STARD13: variants seen among roughly 807,000 people sequenced by gnomAD.
The protein encoded by STARD13 is StAR related lipid transfer domain containing 13, also known as stAR-related lipid transfer protein 13.
A neutral mutation model predicts 106.4 loss-of-function variants in STARD13; 62 were observed. That is an observed-to-expected ratio of 0.58 (90% confidence interval 0.48 to 0.72). The LOEUF (loss-of-function observed/expected upper bound fraction) is 0.72. Among genes scored for constraint, STARD13 ranks in the 30% least tolerant of loss-of-function variants. The pLI is 0.00. For synonymous variants in STARD13, 565 were observed against 553.0 expected, an observed-to-expected ratio of 1.02 and a Z score of -0.31; for missense variants, 1,387 against 1,424.0, an observed-to-expected ratio of 0.97 and a Z score of 0.42.
the STARD13 span, among the ~76,000 whole-genome samples, chr13:33,384,705 G>A: frequency 6.6e-6 from 1 of 152,152 alleles, no homozygotes; most frequent in Non-Finnish European, 1.5e-5. Flanking sequence ...CTACAGAAAT[G>A]TAGTCCTCAA....
chr13:33,148,929 G>T (rs1315071889), intron 3 of STARD13, among the ~76,000 whole-genome samples: 1 of 152,162 alleles, frequency 6.6e-6, no homozygotes, highest in Non-Finnish European at 1.5e-5. Context: ...AAACTTAAGT[G>T]CATGTTACTA....
At chr13:33,637,853 T>A in the STARD13 span, among the ~76,000 whole-genome samples, 1 of 152,220 alleles carries the variant, frequency 6.6e-6, no homozygotes, top group Non-Finnish European at 1.5e-5. Context: ...TAAATTGACT[T>A]GAATTATATT....
the STARD13 span, among the ~76,000 whole-genome samples, chr13:33,617,688 A>G: frequency 6.6e-6 from 1 of 152,314 alleles, no homozygotes; most frequent in South Asian, 2.1e-4. Context: ...GGTAGAGATC[A>G]TGGGGCCATC....
the STARD13 span, among the ~76,000 whole-genome samples, chr13:33,500,040 G>T: frequency 1.3e-5 from 2 of 151,846 alleles, no homozygotes; most frequent in African/African-American, 4.8e-5. Flanking sequence ...AGGCCACTGT[G>T]CCTGGCCACG....
chr13:33,276,197 G>A (rs1891422647), intron 1 of STARD13: 1 of 152,226 alleles, frequency 6.6e-6, no homozygotes, highest in South Asian at 2.1e-4. Context: ...GAGGTCAGTA[G>A]ACTTTCCTAT....
At chr13:33,672,020 T>C in the STARD13 span, among the ~76,000 whole-genome samples, 1 of 152,210 alleles carries the variant, frequency 6.6e-6, no homozygotes, top group Non-Finnish European at 1.5e-5. Flanking sequence ...TTACTGGGTA[T>C]ATACCCAAAG....
the STARD13 span, chr13:33,676,621 T>C: frequency 6.6e-6 from 1 of 152,188 alleles, no homozygotes; most frequent in Non-Finnish European, 1.5e-5. Context: ...TTAAGGAGCG[T>C]CCTCAAATTA....
intron 1 of STARD13, among the ~76,000 whole-genome samples, chr13:33,206,474 T>C (rs1207281689): frequency 1.3e-5 from 2 of 151,958 alleles, no homozygotes; most frequent in Admixed American, 6.6e-5. Context: ...AATGCCAAAA[T>C]AGGATATAAC....
the STARD13 span, among the ~76,000 whole-genome samples, chr13:33,375,524 A>T: frequency 9.7e-4 from 147 of 152,296 alleles, 1 homozygote; most frequent in Admixed American, 3.7e-3. Flanking sequence ...ATTGACTCAC[A>T]GTTCAACAGG....
chr13:33,506,056 T>C, the STARD13 span, among the ~76,000 whole-genome samples: 1 of 152,172 alleles, frequency 6.6e-6, no homozygotes, highest in South Asian at 2.1e-4. Context: ...ATAGTCACTG[T>C]ACTCTTCAGT....
chr13:33,176,001 T>C (rs1410715346), intron 1 of STARD13, among the ~76,000 whole-genome samples: 1 of 152,176 alleles, frequency 6.6e-6, no homozygotes, highest in Non-Finnish European at 1.5e-5. Context: ...ACAGATTCTG[T>C]TAGGATAAAG....
chr13:33,250,835 A>G (rs114671115), intron 1 of STARD13, among the ~76,000 whole-genome samples: 1,684 of 152,242 alleles, frequency 0.011, 32 homozygotes, highest in African/African-American at 0.037. Context: ...TTGAACACAC[A>G]TCTGTTCTTG....
the STARD13 span, among the ~76,000 whole-genome samples, chr13:33,648,431 G>T: frequency 1.3e-5 from 2 of 152,216 alleles, no homozygotes; most frequent in African/African-American, 4.8e-5. Context: ...TACCAGCTAT[G>T]CAGACTAGGT....
the STARD13 span, among the ~76,000 whole-genome samples, chr13:33,438,173 A>G: frequency 0.5 from 75,386 of 152,126 alleles, 19,694 homozygotes; most frequent in African/African-American, 0.67. Flanking sequence ...ATATACTTAT[A>G]AAATGAAGAA....
chr13:33,312,832 C>T (rs1893192660), intron 1 of STARD13, among the ~76,000 whole-genome samples: 1 of 152,126 alleles, frequency 6.6e-6, no homozygotes, highest in African/African-American at 2.4e-5. Flanking sequence ...ATCAAAGTAA[C>T]AACAACATTT....
intron 1 of STARD13, among the ~76,000 whole-genome samples, chr13:33,177,202 C>T (rs1884608421): frequency 6.6e-6 from 1 of 152,134 alleles, no homozygotes; most frequent in Non-Finnish European, 1.5e-5. Context: ...CTGCCAAATA[C>T]TCACTGAATT....
chr13:33,443,187 C>G, the STARD13 span, among the ~76,000 whole-genome samples: 1 of 151,912 alleles, frequency 6.6e-6, no homozygotes, highest in Non-Finnish European at 1.5e-5. Context: ...ACCATCCTGG[C>G]TAACACGGTG....
upstream of STARD13, among the ~76,000 whole-genome samples, chr13:33,288,502 T>C (rs1892163166): frequency 1.3e-5 from 2 of 151,976 alleles, no homozygotes; most frequent in Non-Finnish European, 2.9e-5. Context: ...GGCAAACTCC[T>C]GGCTTCCAGC....
At position 33,105,613 on chromosome 13, in the gene STARD13, C is replaced by T. The variant is rs749750846; in HGVS notation, c.3322G>A (p.Gly1108Ser). The change falls in exon 14 of 14, where the codon GGC becomes AGC. Residue 1108 changes from glycine to serine, a missense_variant. Gly to Ser is a moderately conservative substitution (Grantham distance 56). Transcript: ENST00000336934. ...AAAACTCAGATTTTAGTTTCTGGGCCCTCAGCAATGAGGGGCTGGAAAGAG... is the reference window on the plus strand; with the variant it reads ...AAAACTCAGATTTTAGTTTCTGGGCTCTCAGCAATGAGGGGCTGGAAAGAG... ...RNSFQPLIAE[G>S]PETKI The T allele has an allele frequency of 6.2e-7, 1 of 1,613,646 alleles. No individual in the cohort carries two copies. Among genetic ancestry groups the T allele is most frequent in the East Asian group, 2.2e-5 (1 of 44,876 alleles).
Sources: allele counts gnomAD v4.1 joint callset (sites outside exome capture counted in the v4.1 genomes callset), GRCh38; gene constraint gnomAD v4.1.1; transcripts MANE v1.5; gene names NCBI Gene and HGNC (gene_info 2026-07-23, HGNC 2026-07-21).